Variants in NUDCD1 observed in about 807,000 individuals in gnomAD.
NUDCD1 encodes NudC domain containing 1, also known as nudC domain-containing protein 1.
Under a neutral mutation model 67.8 loss-of-function variants are expected in NUDCD1, and 60 were observed. That is an observed-to-expected ratio of 0.88 (90% CI 0.72 to 1.10). The LOEUF is 1.10. Among genes scored for constraint, NUDCD1 ranks in the 50% least tolerant of loss-of-function variants. The pLI, the probability that NUDCD1 is intolerant of heterozygous loss-of-function variation, is 0.00. For missense variants in NUDCD1, 643 were observed against 695.0 expected, an observed-to-expected ratio of 0.93 and a Z score of 0.84; for synonymous variants, 244 against 230.8, an observed-to-expected ratio of 1.06 and a Z score of -0.52.
intron 2 of NUDCD1, among the ~76,000 whole-genome samples, chr8:109,297,765 T>C (rs757908468): frequency 1.5e-4 from 23 of 152,212 alleles, no homozygotes; most frequent in Middle Eastern, 3.2e-3. Context: ...AGTTACATCA[T>C]TAAAATGTTT....
At chr8:109,294,904 T>C (rs772158335) in intron 3 of NUDCD1, among the ~76,000 whole-genome samples, 3 of 152,028 alleles carry the variant, frequency 2.0e-5, no homozygotes, top group Non-Finnish European at 2.9e-5. Context: ...CCTAAAACCC[T>C]CCTGAATTGT....
intron 2 of NUDCD1, chr8:109,316,640 C>CA (rs1815403891): frequency 6.6e-6 from 1 of 152,158 alleles, no homozygotes; most frequent in Non-Finnish European, 1.5e-5. Context: ...GACAGAAACT[C>CA]AGAGTAGGTT....
At chr8:109,249,077 T>C (rs867405137) in intron 8 of NUDCD1, among the ~76,000 whole-genome samples, 1 of 152,218 alleles carries the variant, frequency 6.6e-6, no homozygotes, top group South Asian at 2.1e-4. Context: ...TTGAGGGTGA[T>C]AGCTATGACT....
At chr8:109,281,599 T>C (rs1483799395) in intron 5 of NUDCD1, among the ~76,000 whole-genome samples, 1 of 152,174 alleles carries the variant, frequency 6.6e-6, no homozygotes. Flanking sequence ...ATGGATAGCT[T>C]CTGCCAGATA....
intron 1 of NUDCD1, among the ~76,000 whole-genome samples, chr8:109,324,154 T>G (rs1274300598): frequency 6.6e-6 from 1 of 151,768 alleles, no homozygotes; most frequent in Non-Finnish European, 1.5e-5. Context: ...GAGAAAATAT[T>G]TGCAAACTAT....
At chr8:109,273,693 A>G (rs1210138138) in intron 7 of NUDCD1, among the ~76,000 whole-genome samples, 1 of 152,120 alleles carries the variant, frequency 6.6e-6, no homozygotes, top group Non-Finnish European at 1.5e-5. Context: ...CTTCCAAAAA[A>G]GCAAACTCAA....
chr8:109,245,034 T>G (rs1381565578), intron 9 of NUDCD1, among the ~76,000 whole-genome samples: 1 of 152,152 alleles, frequency 6.6e-6, no homozygotes, highest in Non-Finnish European at 1.5e-5. Context: ...TTATATGGCT[T>G]ACAGAATTAG....
chr8:109,258,364 T>G (rs1813786020), intron 8 of NUDCD1, among the ~76,000 whole-genome samples: 1 of 151,938 alleles, frequency 6.6e-6, no homozygotes, highest in Non-Finnish European at 1.5e-5. Flanking sequence ...TATATTACTG[T>G]CAAACCCACA....
Position 109,317,290 on chromosome 8 carries a change from C to A in NUDCD1, c.273+5019G>T. ...CAGCACTTTGGGAGACTGAGGCAGG[C>A]GGATCTCTGGAGCCTAGGGGTTCAA... is the stretch of plus-strand genomic sequence containing the variant. On this transcript the variant is annotated intron_variant, in intron 2 of 9. Transcript: ENST00000239690. 2.6e-5 allele frequency among the ~76,000 whole-genome samples: 4 copies of A among 152,144 alleles called. 1 individual carries two copies. In the Middle Eastern group the frequency reaches 0.01, roughly 388 times the overall value.
chr8:109,298,999 G>A (rs1814912884), intron 2 of NUDCD1: 1 of 152,386 alleles, frequency 6.6e-6, no homozygotes, highest in African/African-American at 2.4e-5. Context: ...GGAACCTGAA[G>A]GTCTAGGTTA....
At chr8:109,295,170 C>A (rs1814812567) in intron 3 of NUDCD1, among the ~76,000 whole-genome samples, 1 of 152,006 alleles carries the variant, frequency 6.6e-6, no homozygotes, top group African/African-American at 2.4e-5. Context: ...AAGTATAAGC[C>A]CATATGAAAT....
intron 2 of NUDCD1, among the ~76,000 whole-genome samples, chr8:109,308,700 G>A (rs766974121): frequency 1.7e-4 from 26 of 151,930 alleles, no homozygotes; most frequent in Non-Finnish European, 2.9e-4. Context: ...GACTGGGTGC[G>A]GTGGCTCACG....
chr8:109,251,232 GAC>G (rs1487786666), intron 8 of NUDCD1, among the ~76,000 whole-genome samples: 4 of 144,256 alleles, frequency 2.8e-5, no homozygotes, highest in Non-Finnish European at 4.5e-5. Flanking sequence ...GGAGTGCAGT[GAC>G]ACAGTCTCGG....
chr8:109,311,704 A>T (rs1815256328), intron 2 of NUDCD1, among the ~76,000 whole-genome samples: 1 of 151,862 alleles, frequency 6.6e-6, no homozygotes, highest in Non-Finnish European at 1.5e-5. Context: ...TCTCACTTGT[A>T]AGTGGGAGCT....
chr8:109,302,309 G>C lies in NUDCD1; in HGVS notation c.274-5740C>G, dbSNP rs765055214. On this transcript the variant is annotated intron_variant, in intron 2 of 9. Coordinates refer to ENST00000239690, the MANE Select transcript of NUDCD1 (RefSeq NM_032869.4). ...AATGGGCAAATGGTCTGTGGTGCCTGATGTCCAGGCATTCTTTTACACATC... is the reference window on the plus strand; with the variant it reads ...AATGGGCAAATGGTCTGTGGTGCCTCATGTCCAGGCATTCTTTTACACATC... 9.9e-5 allele frequency among the ~76,000 whole-genome samples: 15 copies of C among 152,124 alleles called. 1 individual carries two copies. The highest frequency in any genetic ancestry group is 9.8e-4 in the Admixed American group (15 of 15,280).
In NUDCD1 at chr8:109,322,261, C is replaced by T. The variant is rs760124254; in HGVS notation, c.273+48G>A. 9.9e-6 allele frequency: 10 copies of T among 1,013,412 alleles called. No individual in the cohort carries two copies. The South Asian group carries it at 1.9e-4, about 19-fold the overall frequency. The allele number at this position is 1,013,412 out of a possible 1,614,324, so 62.8% of individuals were successfully genotyped here. A position where few individuals can be genotyped will look rare whatever the true frequency, so the allele number is the denominator to read the frequency against. ...AAGGGAAACTTAATTATCAAATTTG[C>T]TTGATATTACATACATATATTAATT... On this transcript the variant is annotated intron_variant, in intron 2 of 9. Coordinates refer to ENST00000239690, the MANE Select transcript of NUDCD1 (RefSeq NM_032869.4).
At chr8:109,316,918 A>C (rs974281089) in intron 2 of NUDCD1, among the ~76,000 whole-genome samples, 3 of 152,236 alleles carry the variant, frequency 2.0e-5, no homozygotes, top group Non-Finnish European at 2.9e-5. Context: ...AGAACCAAAG[A>C]AAATTAAGCA....
At chr8:109,307,446 G>A (rs143087002) in intron 2 of NUDCD1, among the ~76,000 whole-genome samples, 23 of 152,190 alleles carry the variant, frequency 1.5e-4, no homozygotes, top group African/African-American at 3.6e-4. Context: ...CTCTTTACAC[G>A]GACGTGTGTG....
intron 6 of NUDCD1, among the ~76,000 whole-genome samples, chr8:109,279,756 C>T (rs1271309717): frequency 6.6e-6 from 1 of 152,112 alleles, no homozygotes; most frequent in Non-Finnish European, 1.5e-5. Flanking sequence ...CTCAGCCTCC[C>T]AAGTAGCTGG....
Sources: gnomAD v4.1 joint callset for allele counts (sites outside exome capture counted in the v4.1 genomes callset) on GRCh38, gnomAD v4.1.1 for gene constraint, MANE v1.5 for transcripts, NCBI Gene and HGNC (gene_info 2026-07-23, HGNC 2026-07-21) for gene names.